TMEM242: variants seen among roughly 807,000 people sequenced by gnomAD.
The protein encoded by TMEM242 is transmembrane protein 242.
TMEM242 carries 10 observed loss-of-function variants against 18.2 expected under a neutral mutation model. That is an observed-to-expected ratio of 0.55 (90% confidence interval 0.34 to 0.93). The LOEUF is 0.93. Ranked by LOEUF, TMEM242 falls within the 40% of genes least tolerant of loss-of-function variation. TMEM242 has a pLI of 0.02. For missense variants in TMEM242, 186 were observed against 175.5 expected (o/e 1.06, Z -0.34); for synonymous variants, 57 against 69.9 (o/e 0.81, Z 0.92).
intron 3 of TMEM242, among the ~76,000 whole-genome samples, chr6:157,303,393 G>C (rs1255942037): frequency 6.6e-6 from 1 of 152,132 alleles, no homozygotes; most frequent in Non-Finnish European, 1.5e-5. Context: ...GAAAGTTGAT[G>C]CATATATTTC....
chr6:157,323,306 T>C, intron 1 of TMEM242, 106 bp downstream of exon 1: 2 of 1,278,102 alleles, frequency 1.6e-6, no homozygotes, highest in Non-Finnish European at 2.2e-6. Context: ...AAGCACAAGC[T>C]AAGGGCTCTC....
intron 3 of TMEM242, among the ~76,000 whole-genome samples, chr6:157,310,029 G>C (rs1435537619): frequency 2.0e-5 from 3 of 152,036 alleles, no homozygotes; most frequent in Admixed American, 6.6e-5. Context: ...ATACCCCCCT[G>C]ATAAAGTTCT....
Position 157,301,130 on chromosome 6 carries a change from T to C in TMEM242, c.328-8131A>G, listed in dbSNP as rs148951003. Reference sequence around the variant, plus strand: ...AATGATGGCACTTTCTCCTCACTTATAAACAGCATTCTGCCCGTGTAATGG... The same window carrying C: ...AATGATGGCACTTTCTCCTCACTTACAAACAGCATTCTGCCCGTGTAATGG... On this transcript the variant is annotated intron_variant, in intron 3 of 3. Transcript: ENST00000400788. Among the ~76,000 whole-genome samples, 469 of 152,284 alleles carry C rather than the reference T, an allele frequency of 3.1e-3. 3 individuals carry two copies. Among genetic ancestry groups the C allele is most frequent in the Middle Eastern group, 6.8e-3 (2 of 294 alleles).
chr6:157,304,990 C>A (rs1210514549), intron 3 of TMEM242, among the ~76,000 whole-genome samples: 1 of 152,116 alleles, frequency 6.6e-6, no homozygotes, highest in Non-Finnish European at 1.5e-5. Context: ...ATTGTGGTGG[C>A]TCAAGATGAG....
At chr6:157,301,938 A>G (rs1777836182) in intron 3 of TMEM242, among the ~76,000 whole-genome samples, 2 of 152,116 alleles carry the variant, frequency 1.3e-5, no homozygotes, top group South Asian at 4.2e-4. Flanking sequence ...TCTCAACAAA[A>G]GAAGAAAAAA....
intron 3 of TMEM242, among the ~76,000 whole-genome samples, chr6:157,313,535 A>C (rs1378376821): frequency 1.9e-5 from 1 of 53,764 alleles, no homozygotes; most frequent in African/African-American, 5.6e-5. Flanking sequence ...ATCTGGCGTC[A>C]TCATAGTGCC....
At chr6:157,307,345 T>C (rs1777928993) in intron 3 of TMEM242, among the ~76,000 whole-genome samples, 1 of 152,206 alleles carries the variant, frequency 6.6e-6, no homozygotes, top group Non-Finnish European at 1.5e-5. Flanking sequence ...AAAGCTTTTA[T>C]GGCAGAGCTG....
intron 3 of TMEM242, among the ~76,000 whole-genome samples, chr6:157,311,459 CCT>C (rs1562383094): frequency 0.23 from 4,081 of 17,850 alleles, 11 homozygotes; most frequent in East Asian, 0.32. Context: ...TGTGCAATCA[CCT>C]GGCCTCATCA....
intron 3 of TMEM242, among the ~76,000 whole-genome samples, chr6:157,310,648 G>C (rs797034017): frequency 1.0e-3 from 2 of 1,982 alleles, no homozygotes; most frequent in Non-Finnish European, 2.2e-3. Flanking sequence ...CCCAGTGTTC[G>C]CTCACCCGGC....
Position 157,312,594 on chromosome 6 carries a change from C to T in TMEM242, c.327+6188G>A. 1.3e-5 allele frequency among the ~76,000 whole-genome samples: 2 copies of T among 148,242 alleles called. 1 individual carries two copies. Among genetic ancestry groups the T allele is most frequent in the East Asian group, 3.9e-4 (2 of 5,140 alleles). On this transcript the variant is annotated intron_variant, in intron 3 of 3. Coordinates refer to ENST00000400788, the MANE Select transcript of TMEM242 (RefSeq NM_018452.6). ...CGCTCACCCGGCCTCATCATAGTGC[C>T]GCAGTGTGCACTCACCTAGCCTCAC...
chr6:157,323,517 T>G lies in TMEM242; in HGVS notation c.-18A>C. 1 of 1,609,056 alleles carries G rather than the reference T, an allele frequency of 6.2e-7. No homozygotes were observed. Among genetic ancestry groups the G allele is most frequent in the Non-Finnish European group, 8.5e-7 (1 of 1,176,472 alleles). On this transcript the variant is annotated 5_prime_UTR_variant, in exon 1 of 4. Transcript: ENST00000400788. Reference sequence around the variant, plus strand: ...GTCTCCATGTTTAGGTCGCCTCTAGTGCGTCCGTCCCCAACTGGGCCCGGG... The same window carrying G: ...GTCTCCATGTTTAGGTCGCCTCTAGGGCGTCCGTCCCCAACTGGGCCCGGG...
At chr6:157,309,176 CTA>C (rs1416701460) in intron 3 of TMEM242, among the ~76,000 whole-genome samples, 2 of 152,102 alleles carry the variant, frequency 1.3e-5, no homozygotes, top group Admixed American at 1.3e-4. Context: ...CTATACAACT[CTA>C]TGAATATGCC....
intron 3 of TMEM242, among the ~76,000 whole-genome samples, chr6:157,312,842 AC>A (rs1778222147): frequency 1.8e-4 from 2 of 10,944 alleles, no homozygotes; most frequent in African/African-American, 1.0e-3. Flanking sequence ...CACAGTGTGC[AC>A]TCACCTGGCC....
Position 157,305,624 on chromosome 6 carries a change from G to C in TMEM242, c.328-12625C>G, listed in dbSNP as rs187688399. ...GGCGGAGGATAGATGGAGGACAGAA[G>C]AGTTTAAGTAGGAGCTACTGGACAC... On this transcript the variant is annotated intron_variant, in intron 3 of 3. Coordinates refer to ENST00000400788, the MANE Select transcript of TMEM242 (RefSeq NM_018452.6). This position sits in a 1 kb window ranked among gnomAD's most constrained non-coding sequence, Gnocchi z 4.1. Among the ~76,000 whole-genome samples the C allele has an allele frequency of 2.3e-4, 35 of 152,346 alleles. No homozygotes were observed. The East Asian group carries it at 6.4e-3, about 28-fold the overall frequency.
At chr6:157,296,985 T>A (rs1424543090) in intron 3 of TMEM242, among the ~76,000 whole-genome samples, 2 of 152,214 alleles carry the variant, frequency 1.3e-5, no homozygotes, top group African/African-American at 2.4e-5. Context: ...TAAAACAGAT[T>A]CAGGATTATG....
At chr6:157,310,650 T>A (rs2128414573) in intron 3 of TMEM242, among the ~76,000 whole-genome samples, 1 of 152,084 alleles carries the variant, frequency 6.6e-6, no homozygotes, top group African/African-American at 2.4e-5. Flanking sequence ...CAGTGTTCGC[T>A]CACCCGGCCT....
chr6:157,301,437 G>A (rs935934253), intron 3 of TMEM242, among the ~76,000 whole-genome samples: 2 of 151,746 alleles, frequency 1.3e-5, no homozygotes, highest in Non-Finnish European at 2.9e-5. Flanking sequence ...TCAGCCTCCC[G>A]AGTAGCTGGG....
chr6:157,314,111 T>C (rs1778327734), intron 3 of TMEM242, among the ~76,000 whole-genome samples: 6 of 147,222 alleles, frequency 4.1e-5, no homozygotes, highest in Admixed American at 1.4e-4. Flanking sequence ...CCCGGCCTCA[T>C]CATTGTGTCC....
chr6:157,310,491 C>T (rs2128414466), intron 3 of TMEM242, among the ~76,000 whole-genome samples: 1 of 151,568 alleles, frequency 6.6e-6, no homozygotes. Flanking sequence ...CACCTAGCCT[C>T]ATCATAGTGT....
Sources: allele counts gnomAD v4.1 joint callset (sites outside exome capture counted in the v4.1 genomes callset), GRCh38; gene constraint gnomAD v4.1.1; non-coding constraint Gnocchi (gnomAD v3.1); transcripts MANE v1.5; gene names NCBI Gene and HGNC (gene_info 2026-07-23, HGNC 2026-07-21).